The following DNAJC6 variants were observed in gnomAD, a reference collection of about 807,000 sequenced individuals.
DNAJC6 encodes auxilin.
Under a neutral mutation model 110.0 loss-of-function variants are expected in DNAJC6, and 34 were observed. That is an observed-to-expected ratio of 0.31 (90% CI 0.24 to 0.41). DNAJC6 has a LOEUF of 0.41. DNAJC6 is among the 10% of genes least tolerant of loss of function. The pLI, the probability that DNAJC6 is intolerant of heterozygous loss-of-function variation, is 1.00. For synonymous variants in DNAJC6, 406 were observed against 437.2 expected, an observed-to-expected ratio of 0.93 and a Z score of 0.89; for missense variants, 1,031 against 1,207.8, an observed-to-expected ratio of 0.85 and a Z score of 2.17.
chr1:65,364,388 C>T (rs535963866), intron 1 of DNAJC6, among the ~76,000 whole-genome samples: 40 of 152,012 alleles, frequency 2.6e-4, no homozygotes, highest in Admixed American at 3.9e-4. Flanking sequence ...TGGCTAGTAG[C>T]GGCAATACTG....
chr1:65,277,919 C>A (rs548999753), intron 1 of DNAJC6, among the ~76,000 whole-genome samples: 1 of 152,254 alleles, frequency 6.6e-6, no homozygotes, highest in South Asian at 2.1e-4. Context: ...GATAAGCTTG[C>A]CCTACAGGGA....
At position 65,287,243 on chromosome 1, in the gene DNAJC6, G is replaced by C. The variant is rs118174752; in HGVS notation, c.-131+22311G>C. ...ATTTGTGGGAAAATTATCTTAAAAG[G>C]ATTAAAAGTCCATTAAAAATGCAAA... On this transcript the variant is annotated intron_variant, in intron 1 of 19. Coordinates refer to the DNAJC6 transcript ENST00000263441. Among the ~76,000 whole-genome samples the C allele has an allele frequency of 3.9e-5, 6 of 152,252 alleles. No homozygotes were observed. The East Asian group carries it at 1.2e-3, about 29-fold the overall frequency.
chr1:65,374,912 G>A (rs1645744918), intron 4 of DNAJC6, among the ~76,000 whole-genome samples: 1 of 151,856 alleles, frequency 6.6e-6, no homozygotes, highest in Non-Finnish European at 1.5e-5. Flanking sequence ...TGTTAGCCAT[G>A]GATTTGTCAT....
chr1:65,376,294 T>C (rs1645765861), intron 4 of DNAJC6, among the ~76,000 whole-genome samples: 1 of 151,976 alleles, frequency 6.6e-6, no homozygotes, highest in African/African-American at 2.4e-5. Context: ...TTTTCTTAGC[T>C]TACCTAGAGG....
chr1:65,410,801 C>G (rs968204490), intron 17 of DNAJC6, among the ~76,000 whole-genome samples: 1 of 152,220 alleles, frequency 6.6e-6, no homozygotes, highest in African/African-American at 2.4e-5. Context: ...TTTCCTCAAA[C>G]AGCTCTGCCT....
chr1:65,409,990 A>T (rs77241227), intron 17 of DNAJC6, among the ~76,000 whole-genome samples: 10,930 of 152,200 alleles, frequency 0.072, 437 homozygotes, highest in South Asian at 0.11. Flanking sequence ...GGACAGGCGG[A>T]TGCGGATTAG....
At chr1:65,410,562 A>G (rs1453569528) in intron 17 of DNAJC6, among the ~76,000 whole-genome samples, 1 of 152,196 alleles carries the variant, frequency 6.6e-6, no homozygotes, top group Non-Finnish European at 1.5e-5. Context: ...ATGTGACTAA[A>G]CCATTCATCC....
intron 1 of DNAJC6, among the ~76,000 whole-genome samples, chr1:65,312,351 G>T (rs902114708): frequency 6.6e-6 from 1 of 152,176 alleles, no homozygotes; most frequent in African/African-American, 2.4e-5. Context: ...CTGAGAGTAG[G>T]ATTCTTTTAC....
chr1:65,311,964 C>G (rs1284445171), intron 1 of DNAJC6, among the ~76,000 whole-genome samples: 2 of 152,126 alleles, frequency 1.3e-5, no homozygotes, highest in African/African-American at 2.4e-5. Context: ...GGGGCAGTAA[C>G]TATAACACAG....
intron 16 of DNAJC6, among the ~76,000 whole-genome samples, chr1:65,406,974 T>G (rs898144023): frequency 5.3e-5 from 8 of 152,204 alleles, no homozygotes; most frequent in Non-Finnish European, 1.2e-4. Context: ...GCAGGTGCTA[T>G]CCTAAGCATT....
At chr1:65,359,023 T>C (rs1645573900) in intron 1 of DNAJC6, among the ~76,000 whole-genome samples, 1 of 152,206 alleles carries the variant, frequency 6.6e-6, no homozygotes, top group Non-Finnish European at 1.5e-5. Flanking sequence ...CTCACAGTGT[T>C]TTGTCCACGG....
Position 65,405,854 on chromosome 1 carries a change from CTCTTTTTT to C in DNAJC6, c.2228-10_2228-3del. Reference sequence around the variant, plus strand: ...CTCAAAATAGTTTTACCTTCTTTATCTCTTTTTTTCTTTAGGTAGTTCTTCCTTTGCCA... The same window carrying C: ...CTCAAAATAGTTTTACCTTCTTTATCTCTTTAGGTAGTTCTTCCTTTGCCA... On this transcript the variant is annotated splice_region_variant and splice_polypyrimidine_tract_variant and intron_variant, in intron 15 of 18. Transcript: ENST00000371069. 21 of 1,575,222 alleles carry C rather than the reference CTCTTTTTT, an allele frequency of 1.3e-5. No homozygotes were observed. The highest frequency in any genetic ancestry group is 1.7e-5 in the Non-Finnish European group (20 of 1,160,342).
In DNAJC6 at chr1:65,413,951, C is replaced by T. The variant is rs1257724667; in HGVS notation, c.*926C>T. The T allele has an allele frequency of 6.6e-6, 1 of 152,174 alleles. No homozygotes were observed. The highest frequency in any genetic ancestry group is 1.5e-5 in the Non-Finnish European group (1 of 68,044). 9.4% of individuals were successfully genotyped at this position (152,174 alleles called of 1,614,324 possible). On this transcript the variant is annotated 3_prime_UTR_variant, in exon 19 of 19. Coordinates refer to ENST00000371069, the MANE Select transcript of DNAJC6 (RefSeq NM_001256864.2). The stretch of plus-strand genomic sequence containing the variant: ...GTTCACAACTTATCAGGACCAATAT[C>T]TAGTGTGGACTCAGTGTTCTCTAGG...
At chr1:65,352,351 C>T (rs922026897) in intron 1 of DNAJC6, among the ~76,000 whole-genome samples, 4 of 152,024 alleles carry the variant, frequency 2.6e-5, no homozygotes, top group African/African-American at 9.7e-5. Flanking sequence ...GTCTTCACAC[C>T]GACATTTGGA....
intron 1 of DNAJC6, chr1:65,265,051 A>G (rs2101141887): frequency 2.3e-6 from 2 of 864,448 alleles, no homozygotes; most frequent in Non-Finnish European, 3.6e-6. Flanking sequence ...TAAAATTACC[A>G]TACCTATATT....
At chr1:65,410,462 A>G (rs979525479) in intron 17 of DNAJC6, among the ~76,000 whole-genome samples, 1 of 152,226 alleles carries the variant, frequency 6.6e-6, no homozygotes, top group African/African-American at 2.4e-5. Flanking sequence ...ACAGTTTCCT[A>G]TAAAAGAAAG....
chr1:65,309,819 A>T lies in DNAJC6; in HGVS notation c.74A>T (p.Asn25Ile). The T allele has an allele frequency of 6.5e-7, 1 of 1,549,490 alleles. No homozygotes were observed. Among genetic ancestry groups the T allele is most frequent in the Non-Finnish European group, 8.7e-7 (1 of 1,146,480 alleles). ...GYESLQLVDS[N>I]GDLSAGSGGV... ...GAATCTTTGCAGCTGGTGGACAGTA[A>T]CGGGGACTTAAGTGCGGGAAGCGGC... is the stretch of plus-strand genomic sequence containing the variant. Residue 25 changes from asparagine to isoleucine, a missense_variant, in exon 1 of 19, where the codon AAC becomes ATC. Physicochemically the swap from Asn to Ile is moderately radical, Grantham distance 149. Transcript: ENST00000371069.
intron 5 of DNAJC6, among the ~76,000 whole-genome samples, chr1:65,380,891 T>G (rs1460168007): frequency 2.2e-5 from 3 of 135,502 alleles, no homozygotes; most frequent in Non-Finnish European, 4.6e-5. Flanking sequence ...GGGGAGGGAG[T>G]TTTTTTTTTT....
intron 14 of DNAJC6, among the ~76,000 whole-genome samples, chr1:65,399,131 G>A (rs1194140333): frequency 2.6e-5 from 4 of 151,960 alleles, no homozygotes; most frequent in African/African-American, 4.8e-5. Flanking sequence ...AGAATCAGAC[G>A]GATATAAATA....
Sources: allele counts gnomAD v4.1 joint callset (sites outside exome capture counted in the v4.1 genomes callset), GRCh38; gene constraint gnomAD v4.1.1; transcripts MANE v1.5; gene names NCBI Gene and HGNC (gene_info 2026-07-23, HGNC 2026-07-21).